The following PTPN1 variants were observed in gnomAD, a reference collection of about 807,000 sequenced individuals.
PTPN1 encodes the protein protein tyrosine phosphatase non-receptor type 1.
A neutral mutation model predicts 59.9 loss-of-function variants in PTPN1; 12 were observed. That is an observed-to-expected ratio of 0.20 (90% CI 0.13 to 0.32). The LOEUF (loss-of-function observed/expected upper bound fraction) is 0.32. Ranked by LOEUF, PTPN1 falls within the 10% of genes least tolerant of loss-of-function variation. The pLI, the probability that PTPN1 is intolerant of heterozygous loss-of-function variation, is 1.00. For synonymous variants in PTPN1, 178 were observed against 203.6 expected, an observed-to-expected ratio of 0.87 and a Z score of 1.07; for missense variants, 356 against 549.2, an observed-to-expected ratio of 0.65 and a Z score of 3.52.
chr20:50,543,026 CTTAA>C (rs1461970899), intron 1 of PTPN1, among the ~76,000 whole-genome samples: 1 of 152,100 alleles, frequency 6.6e-6, no homozygotes, highest in African/African-American at 2.4e-5. Flanking sequence ...AACATGGCTT[CTTAA>C]TTAAATATAT....
chr20:50,580,038 C>A, intron 8 of PTPN1, 112 bp downstream of exon 8: 1 of 970,298 alleles, frequency 1.0e-6, no homozygotes, highest in Non-Finnish European at 1.6e-6. Context: ...GCAAGCAGCG[C>A]TTCCGCATCC....
Position 50,550,965 on chromosome 20 carries a change from G to A in PTPN1, c.64-10398G>A, listed in dbSNP as rs560561435. ...TTAATATAAACATGGAAATATTTCC[G>A]CAAGGATAAACTGGCTTTTATGCCT... is the stretch of plus-strand genomic sequence containing the variant. On this transcript the variant is annotated intron_variant, in intron 1 of 9. Transcript: ENST00000371621. 1.3e-4 allele frequency among the ~76,000 whole-genome samples: 20 copies of A among 152,290 alleles called. No homozygotes were observed. The South Asian group carries it at 3.9e-3, about 30-fold the overall frequency.
At chr20:50,572,741 A>G (rs1196417487) in intron 4 of PTPN1, 1 of 152,094 alleles carries the variant, frequency 6.6e-6, no homozygotes, top group Non-Finnish European at 1.5e-5. Flanking sequence ...TATAAGATCT[A>G]GTTGTTAGAA....
chr20:50,574,691 A>C (rs1885177), intron 5 of PTPN1, 37 bp downstream of exon 5: 812,948 of 1,564,756 alleles, frequency 0.52, 213,858 homozygotes, highest in East Asian at 0.64. Context: ...TCAGGCGGCT[A>C]CTGGTTCACA....
chr20:50,577,588 G>A (rs1482754323), intron 5 of PTPN1: 2 of 152,308 alleles, frequency 1.3e-5, no homozygotes, highest in Non-Finnish European at 2.9e-5. Flanking sequence ...ACAGCCGCCA[G>A]AAGCCTCAAG....
chr20:50,561,533 G>C (rs75223039), intron 2 of PTPN1, 80 bp downstream of exon 2: 5 of 846,720 alleles, frequency 5.9e-6, no homozygotes, highest in Non-Finnish European at 9.3e-6. Flanking sequence ...TTCGCCTCAG[G>C]GTTTAGTATA....
intron 1 of PTPN1, among the ~76,000 whole-genome samples, chr20:50,541,910 A>T (rs945936612): frequency 2.0e-5 from 3 of 152,160 alleles, no homozygotes; most frequent in African/African-American, 7.2e-5. Context: ...ACTGCTCTGC[A>T]ATTACTCCTA....
At chr20:50,554,508 G>A (rs199622086) in intron 1 of PTPN1, among the ~76,000 whole-genome samples, 263 of 152,104 alleles carry the variant, frequency 1.7e-3, no homozygotes, top group African/African-American at 6.2e-3. Flanking sequence ...TGAAACAGAA[G>A]AGAAATGATA....
intron 2 of PTPN1, 79 bp from the exon 3 acceptor site, chr20:50,564,890 C>G: frequency 5.1e-6 from 8 of 1,577,666 alleles, no homozygotes; most frequent in Non-Finnish European, 6.9e-6. Flanking sequence ...CTCACCTTTG[C>G]TTTTCTGTAG....
intron 1 of PTPN1, among the ~76,000 whole-genome samples, chr20:50,518,497 G>T (rs2082538303): frequency 6.6e-6 from 1 of 152,110 alleles, no homozygotes; most frequent in Non-Finnish European, 1.5e-5. Flanking sequence ...AAGGATAAAG[G>T]GAAAATACGC....
At chr20:50,573,793 A>G (rs192086311) in intron 4 of PTPN1, 1 of 152,334 alleles carries the variant, frequency 6.6e-6, no homozygotes, top group East Asian at 1.9e-4. Flanking sequence ...GTAAAATGTC[A>G]CTAAATTCGA....
At chr20:50,522,130 G>A (rs1173870520) in intron 1 of PTPN1, among the ~76,000 whole-genome samples, 1 of 152,138 alleles carries the variant, frequency 6.6e-6, no homozygotes, top group African/African-American at 2.4e-5. Flanking sequence ...TAAAATCATT[G>A]GCCAGGTACT....
At chr20:50,566,496 C>G (rs528946742) in intron 3 of PTPN1, among the ~76,000 whole-genome samples, 40 of 152,206 alleles carry the variant, frequency 2.6e-4, no homozygotes, top group African/African-American at 9.4e-4. Flanking sequence ...TACACAGTTT[C>G]CCTTTGCCCT....
chr20:50,561,412 C>T lies in PTPN1; in HGVS notation c.113C>T (p.Pro38Leu). 1 of 1,613,430 alleles carries T rather than the reference C, an allele frequency of 6.2e-7. No individual in the cohort carries two copies. The highest frequency in any genetic ancestry group is 8.5e-7 in the Non-Finnish European group (1 of 1,179,630). ...SDFPCRVAKLPKNKNRNRYRD... is the reference protein window; with the variant it reads ...SDFPCRVAKLLKNKNRNRYRD... ...TTCCCATGTAGAGTGGCCAAGCTTC[C>T]TAAGAACAAAAACCGAAATAGGTAC... The change falls in exon 2 of 10, where the codon CCT becomes CTT. Residue 38 changes from proline to leucine, a missense_variant. This residue lies in a region of PTPN1 where 194 missense variants were observed against 344.2 expected (regional missense o/e 0.56). Coordinates refer to ENST00000371621, the MANE Select transcript of PTPN1 (RefSeq NM_002827.4).
intron 4 of PTPN1, among the ~76,000 whole-genome samples, chr20:50,569,536 T>G (rs922785681): frequency 1.3e-5 from 2 of 151,448 alleles, no homozygotes; most frequent in Admixed American, 6.6e-5. Context: ...CTGTGTAGAT[T>G]GTCTGTGTAG....
chr20:50,572,424 T>C (rs1373512830), intron 4 of PTPN1: 1 of 152,176 alleles, frequency 6.6e-6, no homozygotes, highest in East Asian at 1.9e-4. Context: ...AAAATAAATA[T>C]TGGGTTATTG....
intron 2 of PTPN1, among the ~76,000 whole-genome samples, chr20:50,561,862 G>A (rs1292697615): frequency 1.3e-5 from 2 of 152,214 alleles, no homozygotes; most frequent in East Asian, 1.9e-4. Context: ...GGGCACTGTC[G>A]TCCCCTGCGC....
At chr20:50,560,871 C>T (rs2082749035) in intron 1 of PTPN1, among the ~76,000 whole-genome samples, 1 of 151,968 alleles carries the variant, frequency 6.6e-6, no homozygotes, top group African/African-American at 2.4e-5. Context: ...GATTTGTTTA[C>T]CACCTCCTAG....
At chr20:50,533,025 C>CTT (rs201927734) in intron 1 of PTPN1, among the ~76,000 whole-genome samples, 4 of 145,338 alleles carry the variant, frequency 2.8e-5, no homozygotes, top group African/African-American at 1.0e-4. Context: ...TCTAATATCA[C>CTT]TTTTTTTTTT....
Sources: allele counts gnomAD v4.1 joint callset (sites outside exome capture counted in the v4.1 genomes callset), GRCh38; gene constraint gnomAD v4.1.1; regional missense constraint gnomAD v4.1.1; transcripts MANE v1.5; gene names NCBI Gene and HGNC (gene_info 2026-07-23, HGNC 2026-07-21).